DIRAS2: variants seen among roughly 807,000 people sequenced by gnomAD.
The protein encoded by DIRAS2 is GTP-binding protein Di-Ras2.
DIRAS2 carries 5 observed loss-of-function variants against 13.9 expected under a neutral mutation model. The ratio of observed to expected loss-of-function variants is 0.36; its 90% confidence interval spans 0.19 to 0.76. The LOEUF (loss-of-function observed/expected upper bound fraction) is 0.76. DIRAS2 is among the 30% of genes least tolerant of loss of function. The probability of loss-of-function intolerance (pLI) is 0.53; values close to 1 mark genes in which losing one functional copy is unlikely to be tolerated. For missense variants in DIRAS2, 191 were observed against 263.0 expected, an observed-to-expected ratio of 0.73 and a Z score of 1.89; for synonymous variants, 111 against 105.4, an observed-to-expected ratio of 1.05 and a Z score of -0.33.
chr9:90,614,310 G>A (rs1825145810), intron 1 of DIRAS2, among the ~76,000 whole-genome samples: 2 of 80,558 alleles, frequency 2.5e-5, no homozygotes, highest in African/African-American at 5.3e-5. Context: ...ATCATAATGT[G>A]TGTGTGTGTG....
rs763857662 is a variant in DIRAS2, at chr9:90,613,417, C to G, written c.411G>C (p.Glu137Asp). 6.2e-6 allele frequency: 10 copies of G among 1,614,046 alleles called. No individual in the cohort carries two copies. The highest frequency in any genetic ancestry group is 7.6e-6 in the Non-Finnish European group (9 of 1,180,036). ...CACACTTCCATGTGCGGGCCAAGGC[C>G]TCCGCCTCGCTGCTCTGCACCTCGC... ...PSREVQSSEA[E>D]ALARTWKCAF... The change falls in exon 2 of 2, where the codon GAG becomes GAC. Residue 137 changes from glutamate to aspartate, a missense_variant. Coordinates refer to ENST00000375765, the MANE Select transcript of DIRAS2 (RefSeq NM_017594.5). The surrounding 1 kb of genome is among the most constrained non-coding windows in gnomAD (Gnocchi z 5.6).
In DIRAS2 at chr9:90,610,201, T is replaced by C; in HGVS notation, c.*3027A>G. On this transcript the variant is annotated 3_prime_UTR_variant, in exon 2 of 2. Transcript: ENST00000375765. ...AAGTATCACAGAGCAATTTTTAAAA[T>C]ATTTAATACATTTTTGTTCTACAAA... is the stretch of plus-strand genomic sequence containing the variant. 1 of 377,314 alleles carries C rather than the reference T, an allele frequency of 2.7e-6. No individual in the cohort carries two copies. The highest frequency in any genetic ancestry group is 4.7e-6 in the Non-Finnish European group (1 of 214,492). 23.4% of individuals were successfully genotyped at this position (377,314 alleles called of 1,614,324 possible). A position where few individuals can be genotyped will look rare whatever the true frequency, so the allele number is the denominator to read the frequency against.
Position 90,613,295 on chromosome 9 carries a change from A to G in DIRAS2, c.533T>C (p.Ile178Thr). 6.2e-7 allele frequency: 1 copy of G among 1,613,800 alleles called. No homozygotes were observed. Among genetic ancestry groups the G allele is most frequent in the Non-Finnish European group, 8.5e-7 (1 of 1,179,990 alleles). Residue 178 changes from isoleucine to threonine, a missense_variant, in exon 2 of 2, where the codon ATC becomes ACC. Transcript: ENST00000375765. The surrounding 1 kb of genome is among the most constrained non-coding windows in gnomAD (Gnocchi z 5.6). ...CTGCTGCTTGCTCTTTTTCCCGTCG[A>G]TCTGGAGACTCACGGTCCTGCGCTT... ...LEKRRTVSLQ[I>T]DGKKSKQQKR...
Position 90,611,464 on chromosome 9 carries a change from C to G in DIRAS2, c.*1764G>C, listed in dbSNP as rs1248733250. ...TCCCAAGGGTGAGTTATTGGGAGACCAGAGAGGATGAGATCAGGACAAGGG... is the reference window on the plus strand; with the variant it reads ...TCCCAAGGGTGAGTTATTGGGAGACGAGAGAGGATGAGATCAGGACAAGGG... On this transcript the variant is annotated 3_prime_UTR_variant, in exon 2 of 2. Coordinates refer to ENST00000375765, the MANE Select transcript of DIRAS2 (RefSeq NM_017594.5). The G allele has an allele frequency of 6.6e-6, 1 of 152,346 alleles. No homozygotes were observed. The highest frequency in any genetic ancestry group is 2.4e-5 in the African/African-American group (1 of 41,416). 9.4% of individuals were successfully genotyped at this position (152,346 alleles called of 1,614,324 possible). A position where few individuals can be genotyped will look rare whatever the true frequency, so the allele number is the denominator to read the frequency against.
intron 1 of DIRAS2, among the ~76,000 whole-genome samples, chr9:90,633,318 G>A (rs542196373): frequency 6.6e-6 from 1 of 152,322 alleles, no homozygotes; most frequent in Admixed American, 6.5e-5. Flanking sequence ...GTAGACTGGA[G>A]GAGAAGGAAG....
In DIRAS2 at chr9:90,613,397, T is replaced by C. The variant is rs1198374954; in HGVS notation, c.431A>G (p.Lys144Arg). ...SEAEALARTW[K>R]CAFMETSAKL... ...GGCTGAGGTCTCCATGAAGGCACAC[T>C]TCCATGTGCGGGCCAAGGCCTCCGC... The change falls in exon 2 of 2, where the codon AAG becomes AGG. Residue 144 changes from lysine to arginine, a missense_variant. Physicochemically the swap from Lys to Arg is conservative, Grantham distance 26 (BLOSUM62 2). Coordinates refer to ENST00000375765, the MANE Select transcript of DIRAS2 (RefSeq NM_017594.5). The surrounding 1 kb of genome is among the most constrained non-coding windows in gnomAD (Gnocchi z 5.6). 6.2e-7 allele frequency: 1 copy of C among 1,614,132 alleles called. No individual in the cohort carries two copies. Among genetic ancestry groups the C allele is most frequent in the Non-Finnish European group, 8.5e-7 (1 of 1,180,010 alleles).
intron 1 of DIRAS2, among the ~76,000 whole-genome samples, chr9:90,630,645 A>G (rs1462003851): frequency 6.6e-6 from 1 of 152,258 alleles, no homozygotes; most frequent in African/African-American, 2.4e-5. Context: ...AACAACAAAA[A>G]AAAGAGTTGC....
At chr9:90,620,120 G>A (rs968236602) in intron 1 of DIRAS2, among the ~76,000 whole-genome samples, 5 of 152,158 alleles carry the variant, frequency 3.3e-5, no homozygotes, top group African/African-American at 9.7e-5. Flanking sequence ...AGTGGTAATG[G>A]CTGTACCGTA....
At chr9:90,633,565 T>C (rs993560383) in intron 1 of DIRAS2, among the ~76,000 whole-genome samples, 1 of 152,184 alleles carries the variant, frequency 6.6e-6, no homozygotes. Context: ...ATTTGGGAGC[T>C]ACCTGCATTG....
intron 1 of DIRAS2, among the ~76,000 whole-genome samples, chr9:90,636,271 C>T (rs1001046871): frequency 2.0e-5 from 3 of 151,900 alleles, no homozygotes; most frequent in African/African-American, 4.8e-5. Context: ...ATCTCCTGAC[C>T]TCGTGATCCA....
chr9:90,629,780 A>G (rs1264619858), intron 1 of DIRAS2, among the ~76,000 whole-genome samples: 1 of 152,248 alleles, frequency 6.6e-6, no homozygotes, highest in East Asian at 1.9e-4. Flanking sequence ...TCATTTAGGA[A>G]ATAATGACAT....
chr9:90,637,982 A>T (rs1825385676), intron 1 of DIRAS2, among the ~76,000 whole-genome samples: 1 of 152,196 alleles, frequency 6.6e-6, no homozygotes, highest in African/African-American at 2.4e-5. Context: ...TATGTTGCAA[A>T]TATCTTTCCT....
intron 1 of DIRAS2, among the ~76,000 whole-genome samples, chr9:90,629,768 C>T (rs1459187610): frequency 6.6e-6 from 1 of 152,170 alleles, no homozygotes; most frequent in Non-Finnish European, 1.5e-5. Flanking sequence ...TGTTATGCTG[C>T]ATCATTTAGG....
chr9:90,615,994 C>T (rs1825165488), intron 1 of DIRAS2, among the ~76,000 whole-genome samples: 1 of 152,222 alleles, frequency 6.6e-6, no homozygotes, highest in African/African-American at 2.4e-5. Context: ...GGAGTTTCCT[C>T]ACTCGTTTTG....
intron 1 of DIRAS2, among the ~76,000 whole-genome samples, chr9:90,614,800 G>C (rs1825152758): frequency 6.6e-6 from 1 of 152,160 alleles, no homozygotes; most frequent in Non-Finnish European, 1.5e-5. Context: ...TACTTTTTAA[G>C]GGTCATTAAA....
At chr9:90,630,727 C>G (rs1440757690) in intron 1 of DIRAS2, among the ~76,000 whole-genome samples, 1 of 152,134 alleles carries the variant, frequency 6.6e-6, no homozygotes, top group African/African-American at 2.4e-5. Context: ...ATGTTTTCTG[C>G]TAGGTAGGTC....
intron 1 of DIRAS2, among the ~76,000 whole-genome samples, chr9:90,616,451 G>T (rs951574462): frequency 1.3e-5 from 2 of 152,246 alleles, no homozygotes; most frequent in South Asian, 2.1e-4. Flanking sequence ...CAAAAGAGAG[G>T]TCTGAAGGAA....
intron 1 of DIRAS2, among the ~76,000 whole-genome samples, chr9:90,627,632 C>T (rs924579006): frequency 4.6e-5 from 7 of 152,162 alleles, no homozygotes; most frequent in Admixed American, 1.3e-4. Flanking sequence ...TGTGAATTTA[C>T]TTACTGCCAC....
chr9:90,638,679 T>G (rs1825392690), intron 1 of DIRAS2, among the ~76,000 whole-genome samples: 1 of 151,346 alleles, frequency 6.6e-6, no homozygotes, highest in Non-Finnish European at 1.5e-5. Context: ...ATTGGGGTGG[T>G]AGGTAGCTGG....
Sources: gnomAD v4.1 joint callset for allele counts (sites outside exome capture counted in the v4.1 genomes callset) on GRCh38, gnomAD v4.1.1 for gene constraint, Gnocchi (gnomAD v3.1) non-coding constraint, MANE v1.5 for transcripts, NCBI Gene and HGNC (gene_info 2026-07-23, HGNC 2026-07-21) for gene names.